GPR149: variants seen among roughly 807,000 people sequenced by gnomAD.
The protein encoded by GPR149 is G protein-coupled receptor 149, also known as probable G protein-coupled receptor 149.
GPR149 carries 50 observed loss-of-function variants against 50.2 expected under a neutral mutation model. The ratio of observed to expected loss-of-function variants is 1.00; its 90% CI spans 0.79 to 1.26. The LOEUF (loss-of-function observed/expected upper bound fraction) is 1.26. Ranked by LOEUF, GPR149 falls within the 50% of genes most tolerant of loss-of-function variation. The pLI is 0.00. For missense variants in GPR149, 983 were observed against 895.4 expected, an observed-to-expected ratio of 1.10 and a Z score of -1.25; for synonymous variants, 405 against 358.2, an observed-to-expected ratio of 1.13 and a Z score of -1.48.
At chr3:154,408,419 G>A (rs1469912209) in intron 3 of GPR149, among the ~76,000 whole-genome samples, 1 of 152,218 alleles carries the variant, frequency 6.6e-6, no homozygotes, top group Admixed American at 6.5e-5. Flanking sequence ...GAGGCCTGTG[G>A]TCTGAGGCAA....
At position 154,421,139 on chromosome 3, in the gene GPR149, G is replaced by T; in HGVS notation, c.1523C>A (p.Ser508Tyr). 1 of 1,613,360 alleles carries T rather than the reference G, an allele frequency of 6.2e-7. No individual in the cohort carries two copies. Residue 508 changes from serine to tyrosine, a missense_variant, in exon 3 of 4, where the codon TCT (serine) becomes TAT (tyrosine). Transcript: ENST00000389740. Reference sequence around the variant, plus strand: ...AGACAGTCTTCTTTCTGGCCCTTCAGAAAAGGTAGTTTCTTCATAGTTAAT... The same window carrying T: ...AGACAGTCTTCTTTCTGGCCCTTCATAAAAGGTAGTTTCTTCATAGTTAAT... ...GDINYEETTFSEGPERRLSHE... is the reference protein window; with the variant it reads ...GDINYEETTFYEGPERRLSHE...
intron 3 of GPR149, among the ~76,000 whole-genome samples, chr3:154,373,189 G>T (rs528027560): frequency 6.6e-6 from 1 of 152,202 alleles, no homozygotes; most frequent in East Asian, 1.9e-4. Context: ...AGAAAAAGTG[G>T]GCCAAAGAGG....
chr3:154,342,617 C>T (rs911520487), intron 3 of GPR149, among the ~76,000 whole-genome samples: 4 of 152,152 alleles, frequency 2.6e-5, no homozygotes, highest in African/African-American at 9.7e-5. Flanking sequence ...CCATGTTGGC[C>T]AGGCTGGTCT....
At chr3:154,343,998 G>C (rs908743457) in intron 3 of GPR149, among the ~76,000 whole-genome samples, 5 of 151,462 alleles carry the variant, frequency 3.3e-5, no homozygotes, top group Admixed American at 3.3e-4. Flanking sequence ...CAAAAAAAAA[G>C]AAAGAAAAAG....
At chr3:154,422,878 G>A (rs552308663) in intron 2 of GPR149, among the ~76,000 whole-genome samples, 1 of 151,812 alleles carries the variant, frequency 6.6e-6, no homozygotes, top group East Asian at 1.9e-4. Context: ...GGAACTAAAA[G>A]GATGTTTAAA....
chr3:154,385,626 G>A (rs1180739810), intron 3 of GPR149, among the ~76,000 whole-genome samples: 1 of 151,790 alleles, frequency 6.6e-6, no homozygotes, highest in Non-Finnish European at 1.5e-5. Flanking sequence ...TTCACTCTTA[G>A]GAGCTGTATA....
chr3:154,340,598 T>C (rs1199511661), intron 3 of GPR149, among the ~76,000 whole-genome samples: 1 of 152,216 alleles, frequency 6.6e-6, no homozygotes, highest in African/African-American at 2.4e-5. Flanking sequence ...GTTCTAAATG[T>C]AGTAATTGAG....
At chr3:154,390,465 T>A (rs894631047) in intron 3 of GPR149, among the ~76,000 whole-genome samples, 1 of 151,124 alleles carries the variant, frequency 6.6e-6, no homozygotes, top group Non-Finnish European at 1.5e-5. Flanking sequence ...GCAGACTAGA[T>A]CAAACAGAAG....
intron 3 of GPR149, among the ~76,000 whole-genome samples, chr3:154,384,757 T>G (rs1020941316): frequency 5.3e-5 from 8 of 152,298 alleles, no homozygotes; most frequent in African/African-American, 1.9e-4. Flanking sequence ...AGTTCTGGGG[T>G]TTTTGTGCCC....
chr3:154,352,826 G>A (rs1044597643), intron 3 of GPR149: 14 of 905,530 alleles, frequency 1.5e-5, no homozygotes, highest in Non-Finnish European at 2.1e-5. Context: ...CTTGCTTTTT[G>A]TTCCACATAT....
chr3:154,413,232 A>G (rs994507224), intron 3 of GPR149, among the ~76,000 whole-genome samples: 8 of 152,260 alleles, frequency 5.3e-5, no homozygotes, highest in Admixed American at 3.3e-4. Flanking sequence ...CCTTCTAGAC[A>G]TTGGGTTAGG....
intron 3 of GPR149, among the ~76,000 whole-genome samples, chr3:154,338,695 A>G (rs1425524875): frequency 6.6e-6 from 1 of 152,248 alleles, no homozygotes; most frequent in Non-Finnish European, 1.5e-5. Flanking sequence ...TGTTATCAAC[A>G]TGAACTTTTT....
chr3:154,346,721 G>A (rs955005953), intron 3 of GPR149, among the ~76,000 whole-genome samples: 4 of 151,522 alleles, frequency 2.6e-5, no homozygotes, highest in African/African-American at 9.7e-5. Context: ...TCAGCCTCCC[G>A]AGTAGCTAGT....
At chr3:154,344,351 G>C (rs1005814020) in intron 3 of GPR149, among the ~76,000 whole-genome samples, 40 of 152,264 alleles carry the variant, frequency 2.6e-4, no homozygotes, top group African/African-American at 9.6e-4. Flanking sequence ...ACTTCAAAAA[G>C]AGACTTCAAA....
chr3:154,396,320 A>C (rs1020278524), intron 3 of GPR149, among the ~76,000 whole-genome samples: 5 of 152,202 alleles, frequency 3.3e-5, no homozygotes, highest in African/African-American at 1.2e-4. Context: ...TGTTTAAGAC[A>C]TTACTAAAGC....
chr3:154,393,518 A>C (rs566533686), intron 3 of GPR149, among the ~76,000 whole-genome samples: 1 of 152,052 alleles, frequency 6.6e-6, no homozygotes, highest in Non-Finnish European at 1.5e-5. Context: ...AAGACCAGGA[A>C]CAAGGCAAGG....
intron 3 of GPR149, among the ~76,000 whole-genome samples, chr3:154,404,740 T>C (rs984108012): frequency 1.3e-5 from 2 of 152,218 alleles, no homozygotes; most frequent in African/African-American, 4.8e-5. Context: ...TTTTCATCTG[T>C]AAAATTGAGT....
In GPR149 at chr3:154,429,160, G is replaced by T. The variant is rs372479513; in HGVS notation, c.456C>A (p.Gly152=). The T allele has an allele frequency of 1.9e-6, 3 of 1,613,714 alleles. No individual in the cohort carries two copies. The East Asian group carries it at 6.7e-5, about 36-fold the overall frequency. The change falls in exon 1 of 4, where the codon GGC becomes GGA. Residue 152 remains glycine, a synonymous_variant. Coordinates refer to ENST00000389740, the MANE Select transcript of GPR149 (RefSeq NM_001038705.3). ...TASRRSGQVL[G]VVLTVWAASL... ...TGGCTGCCCACACGGTCAGCACCAC[G>T]CCGAGCACCTGGCCCGATCTTCTGG... is the stretch of plus-strand genomic sequence containing the variant.
At chr3:154,428,577 C>T in intron 1 of GPR149, 58 bp downstream of exon 1, 2 of 1,532,690 alleles carry the variant, frequency 1.3e-6, no homozygotes, top group Non-Finnish European at 1.8e-6. Context: ...CCGGTCCCAA[C>T]ACTCATTTAC....
Sources: allele counts gnomAD v4.1 joint callset (sites outside exome capture counted in the v4.1 genomes callset), GRCh38; gene constraint gnomAD v4.1.1; transcripts MANE v1.5; gene names NCBI Gene and HGNC (gene_info 2026-07-23, HGNC 2026-07-21).